The following JCAD variants were observed in gnomAD, a reference collection of about 807,000 sequenced individuals.
JCAD encodes the protein junctional cadherin 5-associated protein.
In JCAD, 40 loss-of-function variants were observed where a neutral mutation model predicts 98.0. The observed-to-expected ratio is 0.41, with a 90% CI of 0.32 to 0.53. The LOEUF is 0.53. Among genes scored for constraint, JCAD ranks in the 20% least tolerant of loss-of-function variants. The pLI is 0.31. For missense variants in JCAD, 1,705 were observed against 1,738.1 expected, an observed-to-expected ratio of 0.98 and a Z score of 0.34; for synonymous variants, 691 against 682.3, an observed-to-expected ratio of 1.01 and a Z score of -0.20.
In JCAD at chr10:30,100,732, G is replaced by A. The variant is rs117168106; in HGVS notation, n.128+14635C>T. On this transcript the variant is annotated intron_variant and non_coding_transcript_variant, in intron 1 of 2. Transcript: ENST00000465712. ...AAGCCTGAGGCATAATGACTTGATTGGATTTAGAGAGGGTAATTAGGACTA... is the reference window on the plus strand; with the variant it reads ...AAGCCTGAGGCATAATGACTTGATTAGATTTAGAGAGGGTAATTAGGACTA... Among the ~76,000 whole-genome samples, 499 of 152,300 alleles carry A rather than the reference G, an allele frequency of 3.3e-3. 2 individuals carry two copies. Among genetic ancestry groups the A allele is most frequent in the Non-Finnish European group, 5.5e-3 (377 of 68,024 alleles).
rs538130233 is a variant in JCAD at position 30,091,394 on chromosome 10, G to A, written n.129-21573C>T. Among the ~76,000 whole-genome samples, 3 of 152,110 alleles carry A rather than the reference G, an allele frequency of 2.0e-5. 1 individual carries two copies. On this transcript the variant is annotated intron_variant and non_coding_transcript_variant, in intron 1 of 2. Transcript: ENST00000465712. The stretch of plus-strand genomic sequence containing the variant: ...GATGTGAAAACATAACTTTATCAAC[G>A]ACTTGAATTTCCTCATAATAGCAAT...
At position 30,016,380 on chromosome 10, in the gene JCAD, AGAAG is replaced by A. The variant is rs1207687154; in HGVS notation, c.*1499_*1502del. The A allele has an allele frequency of 1.7e-5, 2 of 114,336 alleles. No individual in the cohort carries two copies. Among genetic ancestry groups the A allele is most frequent in the South Asian group, 6.4e-4 (2 of 3,128 alleles). 7.1% of individuals were successfully genotyped at this position (114,336 alleles called of 1,614,324 possible). The stretch of plus-strand genomic sequence containing the variant: ...CAAGAGGTAGCAAGGGAGGGAGGAC[AGAAG>A]GAAGGAAGAAAGGAAGGGAGGGAGG... On this transcript the variant is annotated 3_prime_UTR_variant, in exon 4 of 4. Transcript: ENST00000375377.
chr10:30,023,435 CA>C (rs2132606857), intron 3 of JCAD, among the ~76,000 whole-genome samples: 1 of 152,338 alleles, frequency 6.6e-6, no homozygotes, highest in East Asian at 1.9e-4. Flanking sequence ...TACAGGTTTG[CA>C]GCCTGGGACC....
At chr10:30,089,513 CGTGTGTGTGTGTGT>C (rs58665379) in intron 1 of JCAD, among the ~76,000 whole-genome samples, 41 of 142,954 alleles carry the variant, frequency 2.9e-4, no homozygotes, top group Admixed American at 4.2e-4. Context: ...ATGCTTCTTC[CGTGTGTGTGTGTGT>C]GTGTGTGTGT....
chr10:30,050,808 T>G (rs1437144314), intron 1 of JCAD, among the ~76,000 whole-genome samples: 1 of 152,216 alleles, frequency 6.6e-6, no homozygotes, highest in African/African-American at 2.4e-5. Flanking sequence ...AGGAAAAACC[T>G]GAACTATAAA....
intron 1 of JCAD, among the ~76,000 whole-genome samples, chr10:30,052,178 G>C (rs1837484066): frequency 1.3e-5 from 2 of 152,196 alleles, no homozygotes; most frequent in Admixed American, 6.5e-5. Flanking sequence ...GCATGGGGCT[G>C]GGTTACCTCC....
At chr10:30,110,145 C>A (rs1395482549) in intron 1 of JCAD, among the ~76,000 whole-genome samples, 1 of 150,590 alleles carries the variant, frequency 6.6e-6, no homozygotes, top group South Asian at 2.1e-4. Context: ...GATGTATAGA[C>A]CAGCTGATGT....
intron 1 of JCAD, among the ~76,000 whole-genome samples, chr10:30,071,851 CA>C (rs911042396): frequency 2.0e-5 from 3 of 151,984 alleles, no homozygotes; most frequent in African/African-American, 7.3e-5. Context: ...TTTATATGAA[CA>C]AAATAAAAAG....
At chr10:30,093,075 A>G (rs1301183237) in intron 1 of JCAD, among the ~76,000 whole-genome samples, 1 of 152,180 alleles carries the variant, frequency 6.6e-6, no homozygotes, top group Admixed American at 6.5e-5. Context: ...AACAATTGGA[A>G]AAAAAGAATA....
intron 3 of JCAD, among the ~76,000 whole-genome samples, chr10:30,018,862 A>G (rs1369555398): frequency 1.3e-5 from 2 of 152,232 alleles, no homozygotes; most frequent in Non-Finnish European, 2.9e-5. Context: ...AAGTTCCTCA[A>G]AAAAATTAAA....
At chr10:30,068,407 A>AAAAAAC (rs1384978627) in intron 2 of JCAD, among the ~76,000 whole-genome samples, 39 of 151,402 alleles carry the variant, frequency 2.6e-4, no homozygotes, top group African/African-American at 8.5e-4. Context: ...AAAAAAAAAA[A>AAAAAAC]AAAAAAAAGA....
intron 1 of JCAD, among the ~76,000 whole-genome samples, chr10:30,111,258 C>T (rs1018159672): frequency 1.3e-5 from 2 of 152,134 alleles, no homozygotes; most frequent in Admixed American, 1.3e-4. Context: ...GGACCCAGCC[C>T]AGGGGTTACT....
chr10:30,035,567 C>T (rs1003043490), intron 2 of JCAD, among the ~76,000 whole-genome samples: 6 of 152,234 alleles, frequency 3.9e-5, no homozygotes, highest in African/African-American at 7.2e-5. Context: ...CTAGTAGCTT[C>T]GCTATAGGAC....
chr10:30,031,797 C>T lies in JCAD; in HGVS notation c.282-1931G>A, dbSNP rs570629936. Among the ~76,000 whole-genome samples the T allele has an allele frequency of 5.0e-3, 702 of 140,698 alleles. 7 individuals carry two copies. Among genetic ancestry groups the T allele is most frequent in the African/African-American group, 0.018 (653 of 37,222 alleles). The allele number at this position is 140,698 out of a possible 152,430, so 92.3% of individuals were successfully genotyped here. ...TGAGACGGAGTCTTGCTCTGTCGCC[C>T]AGGCTGGAGTGCAGTGGTGGGATCT... On this transcript the variant is annotated intron_variant, in intron 2 of 3. Transcript: ENST00000375377.
intron 1 of JCAD, among the ~76,000 whole-genome samples, chr10:30,098,716 A>G (rs1838418398): frequency 6.6e-6 from 1 of 152,252 alleles, no homozygotes; most frequent in Non-Finnish European, 1.5e-5. Flanking sequence ...TTTAAGCTTT[A>G]GGATGACTCA....
chr10:30,026,895 T>G lies in JCAD; in HGVS notation c.3253A>C (p.Arg1085=). The G allele has an allele frequency of 6.2e-7, 1 of 1,614,062 alleles. No homozygotes were observed. Among genetic ancestry groups the G allele is most frequent in the Non-Finnish European group, 8.5e-7 (1 of 1,179,964 alleles). ...TCAATGCCCAGGATCCTTGCAGCCC[T>G]GGCTTGCAAGGACTCACCTGGGGGG... ...EIPPGESLQA[R]AARILGIEVA... Residue 1085 remains arginine, a synonymous_variant, in exon 3 of 4, where the codon AGG becomes CGG. Transcript: ENST00000375377.
chr10:30,114,775 A>G (rs1564478156), intron 1 of JCAD, among the ~76,000 whole-genome samples: 1 of 152,146 alleles, frequency 6.6e-6, no homozygotes, highest in African/African-American at 2.4e-5. Context: ...AGTTTAAAAA[A>G]TATGAAAATA....
chr10:30,094,321 G>A (rs1250998460), intron 1 of JCAD, among the ~76,000 whole-genome samples: 1 of 151,988 alleles, frequency 6.6e-6, no homozygotes, highest in Non-Finnish European at 1.5e-5. Flanking sequence ...ATAGTGGTGG[G>A]TGCCTGTAGT....
chr10:30,027,459 A>T lies in JCAD; in HGVS notation c.2689T>A (p.Trp897Arg). ...CTACACACAGGGCTCTCCGGCACCC[A>T]CATCCTCGGCTGTGGCTCAACCCTC... ...EMRVEPQPRM[W>R]VPESPVCRSG... The change falls in exon 3 of 4, where the codon TGG becomes AGG. Residue 897 changes from tryptophan (W) to arginine (R), a missense_variant. Physicochemically the swap from Trp to Arg is moderately radical, Grantham distance 101. Coordinates refer to ENST00000375377, the MANE Select transcript of JCAD (RefSeq NM_020848.4). The T allele has an allele frequency of 6.2e-7, 1 of 1,605,226 alleles. No individual in the cohort carries two copies. The highest frequency in any genetic ancestry group is 8.5e-7 in the Non-Finnish European group (1 of 1,179,976).
Sources: allele counts gnomAD v4.1 joint callset (sites outside exome capture counted in the v4.1 genomes callset), GRCh38; gene constraint gnomAD v4.1.1; transcripts MANE v1.5; gene names NCBI Gene and HGNC (gene_info 2026-07-23, HGNC 2026-07-21).